The following RAB40B variants were observed in gnomAD, a reference collection of about 807,000 sequenced individuals.
The protein encoded by RAB40B is RAB40B, member RAS oncogene family, also known as ras-related protein Rab-40B.
Under a neutral mutation model 24.0 loss-of-function variants are expected in RAB40B, and 21 were observed. The observed-to-expected ratio is 0.88, with a 90% CI of 0.62 to 1.26. The LOEUF is 1.26. Ranked by LOEUF, RAB40B falls within the 50% of genes most tolerant of loss-of-function variation. The probability of loss-of-function intolerance (pLI) is 0.00; values close to 1 mark genes in which losing one functional copy is unlikely to be tolerated. For synonymous variants in RAB40B, 167 were observed against 169.8 expected, an observed-to-expected ratio of 0.98 and a Z score of 0.13; for missense variants, 348 against 390.5, an observed-to-expected ratio of 0.89 and a Z score of 0.92.
rs781464100 is a variant in RAB40B, at chr17:82,661,002, G to T, written c.249C>A (p.Tyr83Ter). The change falls in exon 3 of 6, where the codon TAC becomes TAA. Residue 83 changes from tyrosine to a stop codon, truncating the protein, a stop_gained. Coordinates refer to ENST00000571995, the MANE Select transcript of RAB40B (RefSeq NM_006822.3). LOFTEE classifies it high-confidence loss of function. ...QGRFCTIFRS[Y>*]SRGAQGVILV... is the part of the protein sequence containing the mutation. The stretch of plus-strand genomic sequence containing the variant: ...GCTGTGTTACCTGTGCGCCCCGGGA[G>T]TAGGAGCGGAATATGGTACAAAATC... The T allele has an allele frequency of 1.2e-5, 19 of 1,614,104 alleles. No individual in the cohort carries two copies. The East Asian group carries it at 1.3e-4, about 11-fold the overall frequency.
intron 2 of RAB40B, 108 bp downstream of exon 2, chr17:82,664,388 G>T: frequency 9.1e-7 from 1 of 1,093,202 alleles, no homozygotes; most frequent in Admixed American, 2.0e-5. Flanking sequence ...TGCCGATGGT[G>T]GTGGGGGATG....
chr17:82,694,562 C>T (rs1041088949), intron 1 of RAB40B, among the ~76,000 whole-genome samples: 2 of 151,352 alleles, frequency 1.3e-5, no homozygotes, highest in African/African-American at 4.9e-5. Flanking sequence ...CACACACATA[C>T]ACACACACAC....
chr17:82,671,552 T>G (rs1486352931), intron 1 of RAB40B, among the ~76,000 whole-genome samples: 1 of 109,376 alleles, frequency 9.1e-6, no homozygotes, highest in Non-Finnish European at 2.0e-5. Context: ...ACGCTCCCTG[T>G]ACTCACTGAC....
chr17:82,674,837 A>G (rs1189591362), intron 1 of RAB40B, among the ~76,000 whole-genome samples: 3 of 151,936 alleles, frequency 2.0e-5, no homozygotes, highest in African/African-American at 7.3e-5. Context: ...CCTAACACAG[A>G]AGAAAGCAGG....
chr17:82,658,752 C>A, intron 4 of RAB40B, 39 bp from the exon 5 acceptor site: 2 of 1,556,634 alleles, frequency 1.3e-6, no homozygotes, highest in South Asian at 2.3e-5. Context: ...TGGGTTACTT[C>A]AGTGAGATTT....
chr17:82,698,504 C>T lies in RAB40B; in HGVS notation c.93G>A (p.Leu31=). ...GDSDVGKGEI[L]ASLQDGAAES... ...CGGCCGCGCCATCCTGCAGGCTCGC[C>T]AGGATCTCGCCCTTGCCCACGTCGC... The change falls in exon 1 of 6, where the codon CTG becomes CTA. Residue 31 remains leucine, a synonymous_variant. Coordinates refer to ENST00000571995, the MANE Select transcript of RAB40B (RefSeq NM_006822.3). The T allele has an allele frequency of 6.6e-7, 1 of 1,518,874 alleles. No individual in the cohort carries two copies. The highest frequency in any genetic ancestry group is 8.9e-7 in the Non-Finnish European group (1 of 1,127,836). 94.1% of individuals were successfully genotyped at this position (1,518,874 alleles called of 1,614,324 possible). A position where few individuals can be genotyped will look rare whatever the true frequency, so the allele number is the denominator to read the frequency against.
intron 1 of RAB40B, among the ~76,000 whole-genome samples, chr17:82,674,688 C>T (rs548312247): frequency 1.6e-4 from 24 of 151,854 alleles, no homozygotes; most frequent in African/African-American, 5.6e-4. Context: ...CCTAAAACAC[C>T]TGGGGAATGA....
chr17:82,687,680 C>T (rs766935458), intron 1 of RAB40B, among the ~76,000 whole-genome samples: 28 of 152,228 alleles, frequency 1.8e-4, no homozygotes, highest in Non-Finnish European at 2.9e-5. Context: ...GTGAGAGGTG[C>T]TGGCATCCTC....
At chr17:82,661,868 C>T (rs2046176916) in intron 2 of RAB40B, 4 of 928,258 alleles carry the variant, frequency 4.3e-6, no homozygotes, top group African/African-American at 2.2e-5. Context: ...GCCTGGGAGA[C>T]AGAGTGAGAC....
Position 82,674,066 on chromosome 17 carries a change from C to T in RAB40B, c.143-9510G>A, listed in dbSNP as rs571219609. Among the ~76,000 whole-genome samples, 27 of 152,342 alleles carry T rather than the reference C, an allele frequency of 1.8e-4. 1 individual carries two copies. In the South Asian group the frequency reaches 2.3e-3, roughly 13 times the overall value. ...TAGAAAACGCAACAACCTGGCCAGG[C>T]GCGGTGGCTCGCGCCTGTAATCCCA... On this transcript the variant is annotated intron_variant, in intron 1 of 5. Coordinates refer to ENST00000571995, the MANE Select transcript of RAB40B (RefSeq NM_006822.3).
intron 1 of RAB40B, among the ~76,000 whole-genome samples, chr17:82,677,150 T>C (rs547703633): frequency 1.3e-5 from 2 of 151,654 alleles, no homozygotes; most frequent in South Asian, 4.2e-4. Context: ...GGTTTCACCA[T>C]GTTGGTCAGG....
chr17:82,665,622 T>C (rs2046245480), intron 1 of RAB40B, among the ~76,000 whole-genome samples: 1 of 152,104 alleles, frequency 6.6e-6, no homozygotes, highest in African/African-American at 2.4e-5. Context: ...ATCCCAGCAC[T>C]TTGGGAGGCT....
intron 1 of RAB40B, among the ~76,000 whole-genome samples, chr17:82,666,831 T>TTA (rs1446202307): frequency 6.6e-6 from 1 of 152,216 alleles, no homozygotes; most frequent in Non-Finnish European, 1.5e-5. Context: ...TTTGCTTGAT[T>TTA]TATTTCATGT....
intron 1 of RAB40B, among the ~76,000 whole-genome samples, chr17:82,698,154 G>A (rs111361249): frequency 2.4e-4 from 36 of 152,070 alleles, no homozygotes; most frequent in African/African-American, 7.2e-4. Flanking sequence ...CGCGCAGACT[G>A]CGGAGAAGGA....
Position 82,675,860 on chromosome 17 carries a change from G to A in RAB40B, c.143-11304C>T, listed in dbSNP as rs1287268059. Among the ~76,000 whole-genome samples the A allele has an allele frequency of 1.3e-5, 2 of 152,072 alleles. No individual in the cohort carries two copies. Among genetic ancestry groups the A allele is most frequent in the Non-Finnish European group, 1.5e-5 (1 of 67,988 alleles). The stretch of plus-strand genomic sequence containing the variant: ...AACATTCACTCTCTTGCAGGCGGGT[G>A]GGGAGATAAAACCTTAAAAAACAGT... On this transcript the variant is annotated intron_variant, in intron 1 of 5. Coordinates refer to ENST00000571995, the MANE Select transcript of RAB40B (RefSeq NM_006822.3). The surrounding 1 kb of genome is among the most constrained non-coding windows in gnomAD (Gnocchi z 4.5).
At chr17:82,659,335 G>A (rs1164526084) in intron 4 of RAB40B, 3 of 522,086 alleles carry the variant, frequency 5.7e-6, no homozygotes, top group East Asian at 3.3e-5. Context: ...GCATAGCCGA[G>A]GTACGCCGTG....
At chr17:82,677,766 C>T (rs567245692) in intron 1 of RAB40B, among the ~76,000 whole-genome samples, 342 of 152,302 alleles carry the variant, frequency 2.2e-3, no homozygotes, top group African/African-American at 7.8e-3. Flanking sequence ...CTGGAACCCC[C>T]GGATGTGGGG....
intron 3 of RAB40B, among the ~76,000 whole-genome samples, chr17:82,660,040 GCA>G (rs765707229): frequency 3.0e-4 from 45 of 152,228 alleles, no homozygotes; most frequent in Admixed American, 1.8e-3. Flanking sequence ...ACAGATGCAC[GCA>G]CACACAGTGC....
chr17:82,670,178 C>CTTTTTTTT (rs71168131), intron 1 of RAB40B, among the ~76,000 whole-genome samples: 2 of 81,272 alleles, frequency 2.5e-5, no homozygotes, highest in Non-Finnish European at 2.3e-5. Context: ...GGCCAACAAT[C>CTTTTTTTT]TTTTTTTTTT....
Sources: allele counts gnomAD v4.1 joint callset (sites outside exome capture counted in the v4.1 genomes callset), GRCh38; gene constraint gnomAD v4.1.1; non-coding constraint Gnocchi (gnomAD v3.1); transcripts MANE v1.5; gene names NCBI Gene and HGNC (gene_info 2026-07-23, HGNC 2026-07-21).